The following ZZEF1 variants were observed in gnomAD, a reference collection of about 807,000 sequenced individuals.
The protein encoded by ZZEF1 is zinc finger ZZ-type and EF-hand domain-containing protein 1.
Under a neutral mutation model 342.8 loss-of-function variants are expected in ZZEF1, and 157 were observed. The observed-to-expected ratio is 0.46, with a 90% CI of 0.40 to 0.52. The LOEUF is 0.52. Among genes scored for constraint, ZZEF1 ranks in the 20% least tolerant of loss-of-function variants. The pLI, the probability that ZZEF1 is intolerant of heterozygous loss-of-function variation, is 0.00. For missense variants in ZZEF1, 3,480 were observed against 3,725.6 expected (o/e 0.93, Z 1.72); for synonymous variants, 1,505 against 1,429.1 (o/e 1.05, Z -1.20).
chr17:4,123,275 A>ATATG (rs2058516036), intron 2 of ZZEF1, among the ~76,000 whole-genome samples: 3 of 78,858 alleles, frequency 3.8e-5, no homozygotes, highest in Non-Finnish European at 7.7e-5. Flanking sequence ...AACCATATAT[A>ATATG]TATATATATA....
rs116895658 is a variant in ZZEF1, at chr17:4,104,885, G to A, written c.1395-74C>T. 3.2e-4 allele frequency: 428 copies of A among 1,318,086 alleles called. 4 individuals carry two copies. In the East Asian group the frequency reaches 7.4e-3, roughly 23 times the overall value. 81.6% of individuals were successfully genotyped at this position (1,318,086 alleles called of 1,614,324 possible). A position where few individuals can be genotyped will look rare whatever the true frequency, so the allele number is the denominator to read the frequency against. On this transcript the variant is annotated intron_variant, in intron 7 of 54. Coordinates refer to ENST00000381638, the MANE Select transcript of ZZEF1 (RefSeq NM_015113.4). ...TCCAGGTAGCTCAAACCCCATGTAA[G>A]TGATCAACACAAGTAACATTAACCT...
At chr17:4,057,596 C>A (rs1427339120) in intron 32 of ZZEF1, among the ~76,000 whole-genome samples, 1 of 152,132 alleles carries the variant, frequency 6.6e-6, no homozygotes, top group Non-Finnish European at 1.5e-5. Flanking sequence ...ATACATGTAA[C>A]AAAAATTATG....
chr17:4,082,410 G>A (rs538649701), intron 17 of ZZEF1, 27 bp downstream of exon 17: 12 of 1,610,868 alleles, frequency 7.4e-6, no homozygotes, highest in East Asian at 6.7e-5. Context: ...TGAGTTATCC[G>A]ACAATTAAAA....
chr17:4,090,830 C>A lies in ZZEF1; in HGVS notation c.1914G>T (p.Arg638Ser). ...CAAGGTCATCAGATGAGCAACCAATCCTGTAAAGACAAGAGTATTCACAAA... is the reference window on the plus strand; with the variant it reads ...CAAGGTCATCAGATGAGCAACCAATACTGTAAAGACAAGAGTATTCACAAA... ...LQELRQFVKS[R>S]IGCSSDDLGE... Residue 638 changes from arginine (R) to serine (S), a missense_variant and splice_region_variant, in exon 12 of 55, where the codon AGG becomes AGT. Coordinates refer to ENST00000381638, the MANE Select transcript of ZZEF1 (RefSeq NM_015113.4). 2 of 1,611,472 alleles carry A rather than the reference C, an allele frequency of 1.2e-6. No homozygotes were observed. Among genetic ancestry groups the A allele is most frequent in the Non-Finnish European group, 1.7e-6 (2 of 1,177,702 alleles).
intron 21 of ZZEF1, chr17:4,076,106 T>G: frequency 6.6e-6 from 1 of 151,814 alleles, no homozygotes; most frequent in Non-Finnish European, 1.5e-5. Context: ...ATGATGAGAT[T>G]CATCTCTACA....
At chr17:4,122,983 G>A (rs1395953605) in intron 2 of ZZEF1, among the ~76,000 whole-genome samples, 6 of 147,182 alleles carry the variant, frequency 4.1e-5, no homozygotes, top group East Asian at 2.0e-4. Flanking sequence ...GCAGTGGTGC[G>A]ATCTCGGCTC....
chr17:4,113,664 CA>C (rs147181504), intron 4 of ZZEF1, among the ~76,000 whole-genome samples: 186 of 127,760 alleles, frequency 1.5e-3, no homozygotes, highest in Non-Finnish European at 1.2e-3. Context: ...GGCTCCATCT[CA>C]AAAAAAAAAA....
intron 24 of ZZEF1, among the ~76,000 whole-genome samples, chr17:4,073,705 G>T (rs934825901): frequency 6.6e-6 from 1 of 152,160 alleles, no homozygotes; most frequent in Admixed American, 6.5e-5. Context: ...CTCCTAAAGT[G>T]CTGGGATTAC....
intron 25 of ZZEF1, 26 bp from the exon 26 acceptor site, chr17:4,070,950 C>T (rs746754658): frequency 5.0e-6 from 8 of 1,594,382 alleles, no homozygotes; most frequent in African/African-American, 4.1e-5. Flanking sequence ...AAACCCATCA[C>T]ATTTAACACA....
rs779969346 is a variant in ZZEF1 at position 4,032,848 on chromosome 17, C to T, written c.6739G>A (p.Val2247Met). The T allele has an allele frequency of 8.7e-6, 14 of 1,614,018 alleles. No individual in the cohort carries two copies. Among genetic ancestry groups the T allele is most frequent in the South Asian group, 1.1e-5 (1 of 91,080 alleles). ...LKHTNIFTLL[V>M]LVGFPQVLCV... ...GGTACCTGGGGGAAGCCAACCAGCA[C>T]GAGCAGGGTGAAGATGTTGGTGTGC... Residue 2247 changes from valine to methionine, a missense_variant, in exon 41 of 55, where the codon GTG (valine) becomes ATG (methionine). Around this residue, in one of 5 missense-constraint regions of ZZEF1, gnomAD observed 1,269 missense variants for 1,342.4 expected, o/e 0.95. Transcript: ENST00000381638.
At chr17:4,095,402 A>G (rs1168263813) in intron 11 of ZZEF1, among the ~76,000 whole-genome samples, 1 of 152,218 alleles carries the variant, frequency 6.6e-6, no homozygotes, top group Non-Finnish European at 1.5e-5. Flanking sequence ...AGCTATATAA[A>G]GCAAGAACTG....
At chr17:4,023,736 G>A (rs2056331040) in intron 43 of ZZEF1, among the ~76,000 whole-genome samples, 1 of 151,950 alleles carries the variant, frequency 6.6e-6, no homozygotes, top group South Asian at 2.1e-4. Context: ...GGAGGCTGAG[G>A]CAAGAGGACC....
chr17:4,033,677 G>T, intron 40 of ZZEF1: 1 of 280,020 alleles, frequency 3.6e-6, no homozygotes, highest in Non-Finnish European at 6.9e-6. Flanking sequence ...TTCCAAATTT[G>T]GTGTTGTGGT....
At chr17:4,129,828 C>T (rs1011463231) in intron 1 of ZZEF1, among the ~76,000 whole-genome samples, 1 of 152,102 alleles carries the variant, frequency 6.6e-6, no homozygotes, top group Admixed American at 6.6e-5. Context: ...GAATACTATG[C>T]AGCCATAAAA....
At chr17:4,065,598 T>C (rs945480868) in intron 28 of ZZEF1, among the ~76,000 whole-genome samples, 5 of 152,116 alleles carry the variant, frequency 3.3e-5, no homozygotes, top group African/African-American at 7.2e-5. Flanking sequence ...GACCCTTCCA[T>C]GTACCTGTCA....
At chr17:4,129,819 A>G (rs1316936662) in intron 1 of ZZEF1, among the ~76,000 whole-genome samples, 1 of 152,188 alleles carries the variant, frequency 6.6e-6, no homozygotes, top group East Asian at 1.9e-4. Flanking sequence ...TACACCATGG[A>G]ATACTATGCA....
intron 11 of ZZEF1, among the ~76,000 whole-genome samples, chr17:4,092,269 T>C (rs1456707900): frequency 6.7e-6 from 1 of 149,690 alleles, no homozygotes; most frequent in Non-Finnish European, 1.5e-5. Context: ...CAATCCCGAG[T>C]AGGTTCTGTA....
At chr17:4,013,422 AG>A in intron 52 of ZZEF1, 26 bp downstream of exon 52, 2 of 1,554,246 alleles carry the variant, frequency 1.3e-6, no homozygotes, top group Non-Finnish European at 1.7e-6. Flanking sequence ...TGCCTGGCAA[AG>A]GGCTGCCATC....
At chr17:4,054,020 G>A in intron 34 of ZZEF1, 37 bp downstream of exon 34, 1 of 1,572,546 alleles carries the variant, frequency 6.4e-7, no homozygotes, top group Non-Finnish European at 8.6e-7. Context: ...AAGTGATATT[G>A]CCTTTGGATA....
Sources: allele counts gnomAD v4.1 joint callset (sites outside exome capture counted in the v4.1 genomes callset), GRCh38; gene constraint gnomAD v4.1.1; regional missense constraint gnomAD v4.1.1; transcripts MANE v1.5; gene names NCBI Gene and HGNC (gene_info 2026-07-23, HGNC 2026-07-21).